The following PLCXD3 variants were observed in gnomAD, a reference collection of about 807,000 sequenced individuals.
PLCXD3 encodes phosphatidylinositol specific phospholipase C X domain containing 3.
A neutral mutation model predicts 25.5 loss-of-function variants in PLCXD3; 19 were observed. The ratio of observed to expected loss-of-function variants is 0.75; its 90% CI spans 0.52 to 1.09. The LOEUF (loss-of-function observed/expected upper bound fraction) is 1.09. Ranked by LOEUF, PLCXD3 falls within the 50% of genes least tolerant of loss-of-function variation. PLCXD3 has a pLI of 0.00. For missense variants in PLCXD3, 411 were observed against 388.1 expected, an observed-to-expected ratio of 1.06 and a Z score of -0.50; for synonymous variants, 174 against 137.6, an observed-to-expected ratio of 1.26 and a Z score of -1.85.
At chr5:41,377,296 C>A (rs766903260) in intron 2 of PLCXD3, among the ~76,000 whole-genome samples, 2 of 151,606 alleles carry the variant, frequency 1.3e-5, no homozygotes, top group Non-Finnish European at 2.9e-5. Flanking sequence ...AGATAGTGAA[C>A]CCCTAATAAT....
chr5:41,316,064 C>A (rs1241965727), intron 2 of PLCXD3, among the ~76,000 whole-genome samples: 1 of 152,184 alleles, frequency 6.6e-6, no homozygotes, highest in Non-Finnish European at 1.5e-5. Context: ...CTCCCCTAAA[C>A]CCAGGCTGCA....
intron 2 of PLCXD3, among the ~76,000 whole-genome samples, chr5:41,361,454 A>T (rs927080018): frequency 6.6e-6 from 1 of 152,232 alleles, no homozygotes; most frequent in African/African-American, 2.4e-5. Flanking sequence ...TCCCTGCAGT[A>T]GTTCTTGAAG....
At chr5:41,426,875 CATTTAATAATA>C (rs1475747018) in intron 1 of PLCXD3, among the ~76,000 whole-genome samples, 2 of 152,114 alleles carry the variant, frequency 1.3e-5, no homozygotes, top group Non-Finnish European at 2.9e-5. Flanking sequence ...ATTTTGTGCT[CATTTAATAATA>C]ATCTATCTAA....
intron 1 of PLCXD3, among the ~76,000 whole-genome samples, chr5:41,414,555 G>T (rs761967610): frequency 9.2e-5 from 14 of 152,140 alleles, no homozygotes; most frequent in Non-Finnish European, 1.2e-4. Context: ...TTATATTTGT[G>T]TGTCTCTAAT....
At chr5:41,472,839 A>G (rs1286496844) in intron 1 of PLCXD3, among the ~76,000 whole-genome samples, 2 of 152,184 alleles carry the variant, frequency 1.3e-5, no homozygotes, top group African/African-American at 4.8e-5. Context: ...TACTAATATA[A>G]ATCTTAAGTT....
At chr5:41,331,325 G>A (rs1743797982) in intron 2 of PLCXD3, among the ~76,000 whole-genome samples, 1 of 152,100 alleles carries the variant, frequency 6.6e-6, no homozygotes, top group South Asian at 2.1e-4. Context: ...CAAATCATGA[G>A]TGAACTCCCA....
At chr5:41,395,135 C>A (rs1252835615) in intron 1 of PLCXD3, among the ~76,000 whole-genome samples, 1 of 151,984 alleles carries the variant, frequency 6.6e-6, no homozygotes, top group Admixed American at 6.6e-5. Flanking sequence ...CTTCTCTGAC[C>A]ACATTGGAAT....
intron 1 of PLCXD3, among the ~76,000 whole-genome samples, chr5:41,474,844 T>TC (rs1379190986): frequency 6.6e-6 from 1 of 152,098 alleles, no homozygotes; most frequent in Non-Finnish European, 1.5e-5. Flanking sequence ...TTGGCAAAGG[T>TC]CCCCAAATAC....
chr5:41,341,351 C>T (rs1744142949), intron 2 of PLCXD3, among the ~76,000 whole-genome samples: 1 of 152,248 alleles, frequency 6.6e-6, no homozygotes, highest in African/African-American at 2.4e-5. Flanking sequence ...TAAATCACGT[C>T]TACAAATCGC....
At chr5:41,377,167 C>A (rs1457269195) in intron 2 of PLCXD3, among the ~76,000 whole-genome samples, 1 of 152,052 alleles carries the variant, frequency 6.6e-6, no homozygotes, top group Non-Finnish European at 1.5e-5. Context: ...AGCTAGGTTG[C>A]TTAACACTTC....
At chr5:41,443,928 C>T (rs1304154737) in intron 1 of PLCXD3, among the ~76,000 whole-genome samples, 1 of 152,006 alleles carries the variant, frequency 6.6e-6, no homozygotes, top group Admixed American at 6.6e-5. Flanking sequence ...AGATACTTTC[C>T]CTGAGCTATT....
At position 41,375,467 on chromosome 5, in the gene PLCXD3, C is replaced by G. The variant is rs115299397; in HGVS notation, c.812+6359G>C. Among the ~76,000 whole-genome samples, 1,100 of 152,204 alleles carry G rather than the reference C, an allele frequency of 7.2e-3. 16 individuals carry two copies. Among genetic ancestry groups the G allele is most frequent in the African/African-American group, 0.026 (1,062 of 41,540 alleles). ...ATCCTTTCTCTGCTTCCAGTCAGCT[C>G]TATGTCCTTGGGCAATCAATTAGCA... On this transcript the variant is annotated intron_variant, in intron 2 of 2. Coordinates refer to ENST00000377801, the MANE Select transcript of PLCXD3 (RefSeq NM_001005473.3).
intron 1 of PLCXD3, among the ~76,000 whole-genome samples, chr5:41,509,909 G>C (rs1561294591): frequency 6.6e-6 from 1 of 152,154 alleles, no homozygotes; most frequent in Admixed American, 6.5e-5. Flanking sequence ...TTCGGGAAGC[G>C]CTTTGTCTTT....
At chr5:41,368,547 C>T (rs1236019862) in intron 2 of PLCXD3, among the ~76,000 whole-genome samples, 1 of 152,152 alleles carries the variant, frequency 6.6e-6, no homozygotes, top group Non-Finnish European at 1.5e-5. Context: ...TGCCTGGTTG[C>T]TCTGGCCAGA....
At chr5:41,490,034 C>T (rs1748619742) in intron 1 of PLCXD3, among the ~76,000 whole-genome samples, 1 of 151,798 alleles carries the variant, frequency 6.6e-6, no homozygotes, top group South Asian at 2.1e-4. Flanking sequence ...GGAATGCTTC[C>T]AGTTTTTGCC....
chr5:41,411,658 A>G (rs575286219), intron 1 of PLCXD3, among the ~76,000 whole-genome samples: 1 of 152,072 alleles, frequency 6.6e-6, no homozygotes, highest in East Asian at 1.9e-4. Context: ...GCTACATGAT[A>G]TTTGGTCTTA....
At chr5:41,437,056 T>C (rs1358822541) in intron 1 of PLCXD3, among the ~76,000 whole-genome samples, 1 of 152,246 alleles carries the variant, frequency 6.6e-6, no homozygotes, top group Non-Finnish European at 1.5e-5. Flanking sequence ...GATTGAAATG[T>C]TAGCTCCCAT....
At chr5:41,357,834 G>A (rs1744661263) in intron 2 of PLCXD3, among the ~76,000 whole-genome samples, 1 of 152,134 alleles carries the variant, frequency 6.6e-6, no homozygotes, top group South Asian at 2.1e-4. Context: ...TTGTTGCAAT[G>A]GCCATATAGC....
At position 41,308,928 on chromosome 5, in the gene PLCXD3, A is replaced by T. The variant is rs1356342508; in HGVS notation, c.*4689T>A. On this transcript the variant is annotated 3_prime_UTR_variant, in exon 3 of 3. Coordinates refer to ENST00000377801, the MANE Select transcript of PLCXD3 (RefSeq NM_001005473.3). ...CAAGGTGGACAGTTTGCTTGTGGGAACTCAGATAGGTTCTAAAGCCCATTC... is the reference window on the plus strand; with the variant it reads ...CAAGGTGGACAGTTTGCTTGTGGGATCTCAGATAGGTTCTAAAGCCCATTC... 6.6e-6 allele frequency: 1 copy of T among 152,492 alleles called. No individual in the cohort carries two copies. Among genetic ancestry groups the T allele is most frequent in the East Asian group, 1.9e-4 (1 of 5,192 alleles). 9.4% of individuals were successfully genotyped at this position (152,492 alleles called of 1,614,324 possible).
Sources: allele counts gnomAD v4.1 joint callset (sites outside exome capture counted in the v4.1 genomes callset), GRCh38; gene constraint gnomAD v4.1.1; transcripts MANE v1.5; gene names NCBI Gene and HGNC (gene_info 2026-07-23, HGNC 2026-07-21).